The following UBASH3A variants were observed in gnomAD, a reference collection of about 807,000 sequenced individuals.
UBASH3A encodes ubiquitin-associated and SH3 domain-containing protein A.
In UBASH3A, 63 loss-of-function variants were observed where a neutral mutation model predicts 73.5. The observed-to-expected ratio is 0.86, with a 90% confidence interval of 0.70 to 1.06. The LOEUF is 1.06. Among genes scored for constraint, UBASH3A ranks in the 50% least tolerant of loss-of-function variants. UBASH3A has a pLI of 0.00. For missense variants in UBASH3A, 860 were observed against 859.0 expected (o/e 1.00, Z -0.02); for synonymous variants, 363 against 351.1 (o/e 1.03, Z -0.38).
chr21:42,415,234 T>C (rs1283645770), intron 5 of UBASH3A, among the ~76,000 whole-genome samples: 1 of 152,216 alleles, frequency 6.6e-6, no homozygotes, highest in Non-Finnish European at 1.5e-5. Flanking sequence ...GTCAGCAACC[T>C]GCAGTGGGTC....
At chr21:42,423,499 C>T (rs754397519) in intron 7 of UBASH3A, among the ~76,000 whole-genome samples, 6 of 152,196 alleles carry the variant, frequency 3.9e-5, no homozygotes, top group Non-Finnish European at 8.8e-5. Flanking sequence ...GCTGGCTATG[C>T]CCTAACTAAC....
Position 42,443,183 on chromosome 21 carries a change from T to C in UBASH3A, c.1632-129T>C, listed in dbSNP as rs17114946. The C allele has an allele frequency of 3.0e-3, 4,211 of 1,408,974 alleles. 110 individuals carry two copies. In the African/African-American group the frequency reaches 0.054, roughly 18 times the overall value. 87.3% of individuals were successfully genotyped at this position (1,408,974 alleles called of 1,614,324 possible). On this transcript the variant is annotated intron_variant, in intron 12 of 14. Coordinates refer to ENST00000319294, the MANE Select transcript of UBASH3A (RefSeq NM_018961.4). ...CAGCACAAAACTGGAGCCTGCCTGT[T>C]GACCATGAGCCTGCCTTGAGGCAGA... is the stretch of plus-strand genomic sequence containing the variant.
chr21:42,435,986 TATAGAGTTATAGAGTC>T (rs1230984726), intron 10 of UBASH3A, among the ~76,000 whole-genome samples: 2 of 96,988 alleles, frequency 2.1e-5, no homozygotes, highest in Non-Finnish European at 2.0e-5. Context: ...TAGAGTTAGT[TATAGAGTTATAGAGTC>T]ATAGAGTTAT....
In UBASH3A at chr21:42,409,557, G is replaced by C. The variant is rs897284396; in HGVS notation, c.303G>C (p.Lys101Asn). Residue 101 changes from lysine to asparagine, a missense_variant, in exon 3 of 15, where the codon AAG (lysine) becomes AAC (asparagine). Transcript: ENST00000319294. ...FWRESKRQCA[K>N]NRAHEVFPHV... ...GAGAGAGCAAGCGCCAGTGTGCAAA[G>C]AACAGAGCTCATGAGGTCTTCCCAC... 6.2e-7 allele frequency: 1 copy of C among 1,613,966 alleles called. No homozygotes were observed. Among genetic ancestry groups the C allele is most frequent in the Non-Finnish European group, 8.5e-7 (1 of 1,180,016 alleles).
intron 7 of UBASH3A, among the ~76,000 whole-genome samples, chr21:42,425,993 GAGAA>G (rs1194752429): frequency 6.6e-6 from 1 of 152,166 alleles, no homozygotes; most frequent in Non-Finnish European, 1.5e-5. Flanking sequence ...GTGACCGAGA[GAGAA>G]AGAGAGAGAG....
chr21:42,416,310 T>G, intron 5 of UBASH3A, 132 bp from the exon 6 acceptor site: 1 of 890,862 alleles, frequency 1.1e-6, no homozygotes. Context: ...CTTTATGATG[T>G]GAGTTCTGAG....
chr21:42,405,600 G>T (rs1490618531), intron 1 of UBASH3A, among the ~76,000 whole-genome samples: 1 of 152,186 alleles, frequency 6.6e-6, no homozygotes, highest in East Asian at 1.9e-4. Flanking sequence ...GCAGCATTCG[G>T]CATCATGTGG....
chr21:42,443,207 G>C (rs1003165057), intron 12 of UBASH3A, 105 bp from the exon 13 acceptor site: 10 of 1,441,858 alleles, frequency 6.9e-6, no homozygotes, highest in Admixed American at 2.6e-5. Flanking sequence ...CCTTGAGGCA[G>C]AGCCATCCTG....
Position 42,442,498 on chromosome 21 carries a change from C to A in UBASH3A, c.1533C>A (p.Ile511=). The A allele has an allele frequency of 1.2e-6, 2 of 1,614,148 alleles. No individual in the cohort carries two copies. Among genetic ancestry groups the A allele is most frequent in the Non-Finnish European group, 1.7e-6 (2 of 1,180,006 alleles). Residue 511 remains isoleucine (I), a synonymous_variant, in exon 12 of 15, where the codon ATC becomes ATA. Coordinates refer to ENST00000319294, the MANE Select transcript of UBASH3A (RefSeq NM_018961.4). ...KKIKIRVEPG[I]FEWTKWEAGK... The stretch of plus-strand genomic sequence containing the variant: ...TCAAGATACGAGTGGAACCTGGAAT[C>A]TTTGAATGGACAAAATGGGAAGCTG...
intron 7 of UBASH3A, among the ~76,000 whole-genome samples, 188 bp downstream of exon 7, chr21:42,418,797 A>C (rs1412221866): frequency 6.6e-6 from 1 of 152,246 alleles, no homozygotes. Context: ...TGATGATAAC[A>C]TTCAAAAAAG....
intron 13 of UBASH3A, among the ~76,000 whole-genome samples, 193 bp downstream of exon 13, chr21:42,443,611 C>T (rs888946836): frequency 3.3e-5 from 5 of 151,762 alleles, no homozygotes; most frequent in African/African-American, 7.3e-5. Context: ...GACACACACT[C>T]CCCTGCCGCC....
At chr21:42,404,530 G>T (rs2146478436) in intron 1 of UBASH3A, among the ~76,000 whole-genome samples, 1 of 152,340 alleles carries the variant, frequency 6.6e-6, no homozygotes, top group East Asian at 1.9e-4. Flanking sequence ...GTGAAAATCA[G>T]AAGCCATGTA....
chr21:42,446,805 C>T (rs1041044146), intron 14 of UBASH3A, among the ~76,000 whole-genome samples: 2 of 152,162 alleles, frequency 1.3e-5, no homozygotes, highest in Non-Finnish European at 2.9e-5. Flanking sequence ...TGCTAGGTGT[C>T]GGCAGCACCT....
chr21:42,424,929 A>G (rs2053407888), intron 7 of UBASH3A, among the ~76,000 whole-genome samples: 1 of 152,156 alleles, frequency 6.6e-6, no homozygotes, highest in South Asian at 2.1e-4. Context: ...GGAAACGAGG[A>G]GAAGTACCTG....
At chr21:42,437,621 C>T (rs1266773336) in intron 11 of UBASH3A, 41 bp downstream of exon 11, 2 of 1,563,064 alleles carry the variant, frequency 1.3e-6, no homozygotes, top group Middle Eastern at 1.7e-4. Context: ...CTGCCTTGAC[C>T]TTGGGGCTAT....
In UBASH3A at chr21:42,437,585, G is replaced by A; in HGVS notation, c.1486+5G>A. ...CGGCCAAACTCATCCTGGAAGGTCAGTGAGAACCTCGGTGAGCCTCTCCTA... is the reference window on the plus strand; with the variant it reads ...CGGCCAAACTCATCCTGGAAGGTCAATGAGAACCTCGGTGAGCCTCTCCTA... On this transcript the variant is annotated splice_donor_5th_base_variant and intron_variant, in intron 11 of 14. Transcript: ENST00000319294. 6.2e-7 allele frequency: 1 copy of A among 1,613,826 alleles called. No individual in the cohort carries two copies. Among genetic ancestry groups the A allele is most frequent in the Non-Finnish European group, 8.5e-7 (1 of 1,179,686 alleles).
chr21:42,407,712 C>G (rs1331739180), intron 2 of UBASH3A, among the ~76,000 whole-genome samples: 1 of 152,220 alleles, frequency 6.6e-6, no homozygotes, highest in Non-Finnish European at 1.5e-5. Flanking sequence ...ATCTGCCAAC[C>G]TTGGCAATAT....
chr21:42,442,371 T>G, intron 11 of UBASH3A, 81 bp from the exon 12 acceptor site: 65 of 1,413,846 alleles, frequency 4.6e-5, no homozygotes, highest in Non-Finnish European at 5.6e-5. Context: ...TGTGACGGTC[T>G]GAGATCTAAA....
intron 11 of UBASH3A, among the ~76,000 whole-genome samples, chr21:42,439,881 G>A (rs375930581): frequency 2.7e-5 from 3 of 112,132 alleles, no homozygotes; most frequent in Admixed American, 9.9e-5. Flanking sequence ...CATACAACAC[G>A]CTGAACACAC....
Sources: gnomAD v4.1 joint callset for allele counts (sites outside exome capture counted in the v4.1 genomes callset) on GRCh38, gnomAD v4.1.1 for gene constraint, MANE v1.5 for transcripts, NCBI Gene and HGNC (gene_info 2026-07-23, HGNC 2026-07-21) for gene names.